Variants in NDUFAF7 observed in about 807,000 individuals in gnomAD.
NDUFAF7 encodes protein arginine methyltransferase NDUFAF7, mitochondrial.
In NDUFAF7, 48 loss-of-function variants were observed where a neutral mutation model predicts 47.2. That is an observed-to-expected ratio of 1.02 (90% CI 0.81 to 1.29). NDUFAF7 has a LOEUF of 1.29. NDUFAF7 is among the 50% of genes most tolerant of loss of function. The pLI is 0.00. For synonymous variants in NDUFAF7, 217 were observed against 190.0 expected, an observed-to-expected ratio of 1.14 and a Z score of -1.17; for missense variants, 635 against 537.6, an observed-to-expected ratio of 1.18 and a Z score of -1.79.
In NDUFAF7 at chr2:37,248,326, G is replaced by T. The variant is rs934860321; in HGVS notation, c.1302G>T (p.Gly434=). Reference sequence around the variant, plus strand: ...AACCCTTTGCATCCGTTGTAGCTGGGTTTAGTGAACTTGCTTGGCAGTGAT... The same window carrying T: ...AACCCTTTGCATCCGTTGTAGCTGGTTTTAGTGAACTTGCTTGGCAGTGAT... ...QSKPFASVVA[G]FSELAWQ Residue 434 remains glycine (G), a synonymous_variant, in exon 10 of 10, where the codon GGG becomes GGT. Coordinates refer to ENST00000002125, the MANE Select transcript of NDUFAF7 (RefSeq NM_144736.5). 6.2e-7 allele frequency: 1 copy of T among 1,613,936 alleles called. No individual in the cohort carries two copies. The highest frequency in any genetic ancestry group is 8.5e-7 in the Non-Finnish European group (1 of 1,179,950).
At chr2:37,239,449 A>T (rs1666133883) in intron 4 of NDUFAF7, among the ~76,000 whole-genome samples, 1 of 152,132 alleles carries the variant, frequency 6.6e-6, no homozygotes, top group Non-Finnish European at 1.5e-5. Context: ...GCTATTGGCC[A>T]TTATCTATTA....
In NDUFAF7 at chr2:37,248,664, C is replaced by T. The variant is rs928367089; in HGVS notation, c.*314C>T. 4 of 359,380 alleles carry T rather than the reference C, an allele frequency of 1.1e-5. No individual in the cohort carries two copies. The highest frequency in any genetic ancestry group is 2.1e-5 in the Non-Finnish European group (4 of 186,190). 22.3% of individuals were successfully genotyped at this position (359,380 alleles called of 1,614,324 possible). A position where few individuals can be genotyped will look rare whatever the true frequency, so the allele number is the denominator to read the frequency against. On this transcript the variant is annotated 3_prime_UTR_variant, in exon 10 of 10. Coordinates refer to ENST00000002125, the MANE Select transcript of NDUFAF7 (RefSeq NM_144736.5). ...GCGTGGTGGCTCATGCCTGTAATCC[C>T]AGCACTTTGGGAGGCTGAGGTGGGC...
downstream of NDUFAF7, chr2:37,253,452 C>CA (rs1328911694): frequency 9.5e-6 from 9 of 942,672 alleles, no homozygotes; most frequent in Non-Finnish European, 1.1e-5. Context: ...GTGCCCTAGT[C>CA]AAATAATTGA....
At chr2:37,232,354 C>T (rs1275039851) in intron 2 of NDUFAF7, 88 bp downstream of exon 2, 3 of 1,548,252 alleles carry the variant, frequency 1.9e-6, no homozygotes, top group Admixed American at 1.7e-5. Context: ...GGTTCTCAGC[C>T]CAGGCAGTGG....
the NDUFAF7 span, among the ~76,000 whole-genome samples, chr2:37,263,016 C>T: frequency 6.6e-6 from 1 of 151,882 alleles, no homozygotes; most frequent in South Asian, 2.1e-4. Context: ...CAGCTTTTGG[C>T]TTTATTATTT....
At chr2:37,243,240 C>T (rs942381549) in intron 6 of NDUFAF7, among the ~76,000 whole-genome samples, 1 of 152,092 alleles carries the variant, frequency 6.6e-6, no homozygotes, top group Non-Finnish European at 1.5e-5. Context: ...CACTTGAGGT[C>T]AGGAGTTCAA....
At chr2:37,268,298 T>C in the NDUFAF7 span, 7 of 470,624 alleles carry the variant, frequency 1.5e-5, no homozygotes, top group African/African-American at 1.0e-4. Context: ...AAGCCAAAGG[T>C]ACCTCGGACA....
At chr2:37,255,008 G>GT (rs1667818585), downstream of NDUFAF7, among the ~76,000 whole-genome samples, 1 of 152,116 alleles carries the variant, frequency 6.6e-6, no homozygotes, top group Admixed American at 6.5e-5. Flanking sequence ...TGAAATATTG[G>GT]TAACAAAAGG....
intron 8 of NDUFAF7, among the ~76,000 whole-genome samples, chr2:37,247,086 CATAAGT>C (rs1262715081): frequency 6.6e-6 from 1 of 151,980 alleles, no homozygotes; most frequent in Non-Finnish European, 1.5e-5. Flanking sequence ...TGTTTGTTCC[CATAAGT>C]ATGTTCACGT....
At chr2:37,232,375 C>T (rs1304712548) in intron 2 of NDUFAF7, 109 bp downstream of exon 2, 3 of 1,425,236 alleles carry the variant, frequency 2.1e-6, no homozygotes, top group East Asian at 2.3e-5. Context: ...GGGTGCCTGC[C>T]AGGGGAAGAG....
intron 2 of NDUFAF7, among the ~76,000 whole-genome samples, chr2:37,233,713 T>C (rs776154337): frequency 4.7e-4 from 72 of 152,010 alleles, no homozygotes; most frequent in Middle Eastern, 3.5e-3. Flanking sequence ...ATAGGTCATA[T>C]TTAAAGCCAA....
chr2:37,255,410 G>A (rs1357476787), downstream of NDUFAF7, among the ~76,000 whole-genome samples: 2 of 152,206 alleles, frequency 1.3e-5, no homozygotes, highest in South Asian at 2.1e-4. Context: ...GTTAAATAAT[G>A]TTTTAAGTAG....
At chr2:37,237,403 T>C (rs1665908006) in intron 3 of NDUFAF7, among the ~76,000 whole-genome samples, 1 of 152,258 alleles carries the variant, frequency 6.6e-6, no homozygotes. Flanking sequence ...AAGAATCATG[T>C]AATTGTTTAA....
Position 37,248,382 on chromosome 2 carries a change from G to C in NDUFAF7, c.*32G>C. ...AGCTTGGACATTTTACCCTTCAGTC[G>C]GCCCAAGAAATCAAAATAAAGGAAA... On this transcript the variant is annotated 3_prime_UTR_variant, in exon 10 of 10. Transcript: ENST00000002125. 1.3e-6 allele frequency: 2 copies of C among 1,579,432 alleles called. No individual in the cohort carries two copies. Among genetic ancestry groups the C allele is most frequent in the Non-Finnish European group, 1.7e-6 (2 of 1,148,808 alleles).
chr2:37,256,576 A>C, downstream of NDUFAF7: 1 of 1,390,818 alleles, frequency 7.2e-7, no homozygotes, highest in South Asian at 1.6e-5. Flanking sequence ...GTTGCAAGAG[A>C]CAGACTGATT....
chr2:37,235,479 T>C (rs1447676225), intron 2 of NDUFAF7, among the ~76,000 whole-genome samples: 1 of 151,892 alleles, frequency 6.6e-6, no homozygotes, highest in Non-Finnish European at 1.5e-5. Context: ...GGTCTTGCTG[T>C]GTTGGGTGTG....
At chr2:37,250,331 A>G (rs991619107), downstream of NDUFAF7, among the ~76,000 whole-genome samples, 1 of 152,126 alleles carries the variant, frequency 6.6e-6, no homozygotes, top group African/African-American at 2.4e-5. Flanking sequence ...AGTTTTTATA[A>G]TTAAGGGGCT....
At chr2:37,259,786 G>C in the NDUFAF7 span, 1 of 759,702 alleles carries the variant, frequency 1.3e-6, no homozygotes. Flanking sequence ...AGTTCATCAA[G>C]ACTTAGCTAA....
chr2:37,235,580 G>T (rs1455349590), intron 2 of NDUFAF7, among the ~76,000 whole-genome samples: 1 of 151,978 alleles, frequency 6.6e-6, no homozygotes, highest in Non-Finnish European at 1.5e-5. Context: ...TTTTTCTACC[G>T]GTTTTGTAAA....
Sources: gnomAD v4.1 joint callset for allele counts (sites outside exome capture counted in the v4.1 genomes callset) on GRCh38, gnomAD v4.1.1 for gene constraint, MANE v1.5 for transcripts, NCBI Gene and HGNC (gene_info 2026-07-23, HGNC 2026-07-21) for gene names.